XIST: variants seen among roughly 807,000 people sequenced by gnomAD.
XIST encodes the protein X inactive specific transcript (non-protein coding).
exon 6 of XIST, chrX:73,825,658 A>C (rs1339437826): frequency 1.9e-6 from 1 of 513,207 alleles, no homozygotes. Context: ...TAAAAAACAA[A>C]TATGTAACAG....
intron 5 of XIST, chrX:73,829,031 A>C: frequency 1.8e-6 from 1 of 542,564 alleles, no homozygotes. Context: ...AACAGTTCTG[A>C]AGTGATCCTC....
chrX:73,824,908 T>C (rs1362912447), exon 6 of XIST: 1 of 548,536 alleles, frequency 1.8e-6, no homozygotes, highest in African/African-American at 2.2e-5. Flanking sequence ...TCTTATTACA[T>C]AGGAGAATTA....
At chrX:73,846,457 ACAACATGC>A in exon 1 of XIST, 2 of 558,788 alleles carry the variant, frequency 3.6e-6, no homozygotes, top group Non-Finnish European at 6.5e-6. Flanking sequence ...ATAATCACAC[ACAACATGC>A]CAAGAAAAGG....
At chrX:73,850,164 T>C in exon 1 of XIST, 1 of 557,622 alleles carries the variant, frequency 1.8e-6, no homozygotes, top group Non-Finnish European at 3.2e-6. Context: ...GTTAAATTTT[T>C]TACTGTTTCT....
At chrX:73,825,565 A>C (rs1332260266) in exon 6 of XIST, 1 of 513,682 alleles carries the variant, frequency 1.9e-6, no homozygotes, top group Non-Finnish European at 3.5e-6. Flanking sequence ...ATAATACATC[A>C]GGGGGTGGTA....
exon 1 of XIST, chrX:73,841,471 A>C (rs1405362702): frequency 1.8e-6 from 1 of 556,452 alleles, no homozygotes; most frequent in Admixed American, 2.2e-5. Flanking sequence ...ATCTTTTGAC[A>C]TCCTTCTCCG....
exon 1 of XIST, chrX:73,849,606 A>G (rs1411036592): frequency 1.8e-6 from 1 of 558,422 alleles, no homozygotes; most frequent in African/African-American, 2.2e-5. Context: ...CCTAACTTCA[A>G]CGTACCGAGT....
exon 6 of XIST, chrX:73,822,772 C>T (rs41306111): frequency 0.063 from 34,629 of 550,892 alleles, 1,243 homozygotes; most frequent in African/African-American, 0.21. Context: ...TTCATCAATA[C>T]TCGTATGAAC....
exon 1 of XIST, chrX:73,847,638 T>C: frequency 1.9e-6 from 1 of 518,037 alleles, no homozygotes. Flanking sequence ...TAGCTTGATA[T>C]AAAAGACTCA....
At chrX:73,847,534 CA>C (rs1233170708) in exon 1 of XIST, 4 of 511,282 alleles carry the variant, frequency 7.8e-6, no homozygotes, top group Non-Finnish European at 1.4e-5. Flanking sequence ...GGCAATTTTG[CA>C]TAATAGAAAT....
In XIST at chrX:73,833,399, T is replaced by C. The variant is rs150466687; in HGVS notation, n.11407-25A>G. On this transcript the variant is annotated intron_variant and non_coding_transcript_variant, in intron 2 of 5. Transcript: ENST00000429829. ...CCTTAAGAAGAAAGACAGGGTTCAG[T>C]AGGCTACCAAAGCACCGGTAGGATA... 387 of 533,661 alleles carry C rather than the reference T, an allele frequency of 7.3e-4. No homozygotes were observed. The African/African-American group carries it at 7.5e-3, about 10-fold the overall frequency. The allele number at this position is 533,661 out of a possible 1,213,427, so 44.0% of individuals were successfully genotyped here. A position where few individuals can be genotyped will look rare whatever the true frequency, so the allele number is the denominator to read the frequency against.
At chrX:73,822,406 T>C in exon 6 of XIST, 1 of 517,931 alleles carries the variant, frequency 1.9e-6, no homozygotes, top group Non-Finnish European at 3.5e-6. Context: ...AAAAGGAAAG[T>C]ATTAGGCATT....
rs765559871 is a variant in XIST at position 73,851,262 on chromosome X, A to C, written n.1462T>G. 8.3e-4 allele frequency: 466 copies of C among 558,148 alleles called. 1 individual carries two copies. The South Asian group carries it at 9.3e-3, about 11-fold the overall frequency. The allele number at this position is 558,148 out of a possible 1,213,427, so 46.0% of individuals were successfully genotyped here. On this transcript the variant is annotated non_coding_transcript_exon_variant, in exon 1 of 6. Transcript: ENST00000429829. ...TGATGTCCACGTGACAAAAGCCATG[A>C]TATACATATGACAACGCCTGCCATA...
chrX:73,824,397 A>G (rs1422708262), exon 6 of XIST: 8 of 549,455 alleles, frequency 1.5e-5, no homozygotes, highest in South Asian at 4.6e-5. Flanking sequence ...TTACATTTAT[A>G]TGGTGCCTTA....
chrX:73,824,988 T>C (rs767205942), exon 6 of XIST: 6 of 516,454 alleles, frequency 1.2e-5, no homozygotes, highest in Non-Finnish European at 2.1e-5. Flanking sequence ...ATCCATTCAT[T>C]CATTCATAAA....
exon 1 of XIST, chrX:73,843,520 T>C (rs1313125667): frequency 3.6e-6 from 2 of 558,822 alleles, no homozygotes; most frequent in South Asian, 4.5e-5. Context: ...AAAGGGTTCA[T>C]TCATAATTAA....
chrX:73,851,138 T>C (rs1378413568), exon 1 of XIST: 1 of 558,067 alleles, frequency 1.8e-6, no homozygotes, highest in African/African-American at 2.2e-5. Context: ...TTGGTTGGGT[T>C]ATGCAGCAAT....
exon 1 of XIST, chrX:73,849,669 T>C (rs774210808): frequency 3.6e-6 from 2 of 558,492 alleles, no homozygotes; most frequent in Non-Finnish European, 6.5e-6. Flanking sequence ...ATGCATTAAC[T>C]GAAAATGGTC....
At chrX:73,822,129 G>A (rs994557602) in exon 6 of XIST, 14 of 557,243 alleles carry the variant, frequency 2.5e-5, no homozygotes, top group Non-Finnish European at 4.2e-5. Flanking sequence ...CCCAAGGCTG[G>A]TACCAATGAG....
Sources: gnomAD v4.1 joint callset for allele counts on GRCh38, gnomAD v4.1.1 for gene constraint, MANE v1.5 for transcripts, NCBI Gene and HGNC (gene_info 2026-07-23, HGNC 2026-07-21) for gene names.